ANKRD44: variants seen among roughly 807,000 people sequenced by gnomAD.
ANKRD44 encodes ankyrin repeat domain 44.
A neutral mutation model predicts 116.0 loss-of-function variants in ANKRD44; 35 were observed. The ratio of observed to expected loss-of-function variants is 0.30; its 90% CI spans 0.23 to 0.40. The LOEUF is 0.40. Ranked by LOEUF, ANKRD44 falls within the 10% of genes least tolerant of loss-of-function variation. The pLI is 1.00. For synonymous variants in ANKRD44, 435 were observed against 461.8 expected (o/e 0.94, Z 0.74); for missense variants, 1,014 against 1,242.6 (o/e 0.82, Z 2.77).
intron 1 of ANKRD44, among the ~76,000 whole-genome samples, chr2:197,293,203 T>G (rs1262554362): frequency 6.6e-6 from 1 of 152,150 alleles, no homozygotes; most frequent in Non-Finnish European, 1.5e-5. Flanking sequence ...AAGGGAAGGA[T>G]GGTGAAGGAA....
chr2:197,245,235 G>A (rs2125810961), intron 1 of ANKRD44, among the ~76,000 whole-genome samples: 1 of 152,156 alleles, frequency 6.6e-6, no homozygotes, highest in South Asian at 2.1e-4. Flanking sequence ...ACTCCAGCCT[G>A]GGCAACAGAG....
chr2:197,200,600 T>A (rs6757999), intron 1 of ANKRD44, among the ~76,000 whole-genome samples: 103,200 of 151,914 alleles, frequency 0.68, 35,813 homozygotes, highest in East Asian at 0.92. Context: ...GAGCTTGAAA[T>A]TACCTCCAAA....
At chr2:197,113,264 A>C (rs1201274272) in intron 8 of ANKRD44, among the ~76,000 whole-genome samples, 1 of 152,226 alleles carries the variant, frequency 6.6e-6, no homozygotes, top group East Asian at 1.9e-4. Context: ...GACTGCACAC[A>C]GTTCCAAGGA....
At chr2:197,062,839 G>A (rs531296954) in intron 16 of ANKRD44, among the ~76,000 whole-genome samples, 1 of 152,362 alleles carries the variant, frequency 6.6e-6, no homozygotes, top group African/African-American at 2.4e-5. Flanking sequence ...ACTGGGTGGA[G>A]CCCACCACAG....
intron 25 of ANKRD44, among the ~76,000 whole-genome samples, chr2:196,996,086 C>A (rs1422131794): frequency 6.6e-6 from 1 of 152,104 alleles, no homozygotes; most frequent in Non-Finnish European, 1.5e-5. Context: ...GGCCTGGTAC[C>A]CTTTTAAGGG....
intron 2 of ANKRD44, among the ~76,000 whole-genome samples, chr2:197,163,035 G>C (rs1037678114): frequency 1.3e-5 from 2 of 152,050 alleles, no homozygotes; most frequent in Non-Finnish European, 2.9e-5. Context: ...TTTTTTTGTG[G>C]TTCTCATCTA....
At chr2:197,285,066 G>T (rs1039297241) in intron 1 of ANKRD44, among the ~76,000 whole-genome samples, 3 of 151,668 alleles carry the variant, frequency 2.0e-5, no homozygotes, top group Non-Finnish European at 4.4e-5. Flanking sequence ...CTCCCTAAAA[G>T]ATGTTCCCTT....
intron 1 of ANKRD44, among the ~76,000 whole-genome samples, chr2:197,223,976 G>GTAGATACA (rs72348791): frequency 0.22 from 33,748 of 151,926 alleles, 3,963 homozygotes; most frequent in Middle Eastern, 0.3. Context: ...CCGAAAAGTA[G>GTAGATACA]TAGATACATG....
intron 21 of ANKRD44, among the ~76,000 whole-genome samples, chr2:196,980,662 C>T (rs1574213498): frequency 6.6e-6 from 1 of 152,200 alleles, no homozygotes; most frequent in Non-Finnish European, 1.5e-5. Context: ...TTCTGCAGCT[C>T]TTTGCCATCT....
intron 4 of ANKRD44, among the ~76,000 whole-genome samples, chr2:197,130,002 C>T (rs1036286638): frequency 3.3e-5 from 5 of 152,134 alleles, no homozygotes; most frequent in African/African-American, 1.2e-4. Flanking sequence ...AGTGTATATT[C>T]AATAAATTTG....
intron 26 of ANKRD44, 23 bp downstream of exon 26, chr2:196,995,356 C>A: frequency 6.4e-7 from 1 of 1,566,258 alleles, no homozygotes; most frequent in South Asian, 1.1e-5. Context: ...GGGTTCAAGT[C>A]CAACTTTAGT....
intron 3 of ANKRD44, among the ~76,000 whole-genome samples, chr2:197,138,633 C>T (rs1041902877): frequency 7.2e-5 from 11 of 152,170 alleles, no homozygotes; most frequent in Admixed American, 3.3e-4. Flanking sequence ...TAAAATTACC[C>T]GCCTTTACGT....
chr2:197,275,713 C>A (rs2083059809), intron 1 of ANKRD44, among the ~76,000 whole-genome samples: 1 of 151,234 alleles, frequency 6.6e-6, no homozygotes, highest in Non-Finnish European at 1.5e-5. Context: ...GGCTTTTGGT[C>A]GTTACAATGA....
chr2:197,167,291 T>C (rs2080121374), intron 2 of ANKRD44, among the ~76,000 whole-genome samples: 1 of 152,228 alleles, frequency 6.6e-6, no homozygotes, highest in Non-Finnish European at 1.5e-5. Flanking sequence ...CATGCCACTA[T>C]ATTATCATAT....
intron 9 of ANKRD44, among the ~76,000 whole-genome samples, chr2:197,108,980 G>C (rs899518218): frequency 6.6e-6 from 1 of 152,184 alleles, no homozygotes; most frequent in Non-Finnish European, 1.5e-5. Context: ...CAGTCCCCTG[G>C]GACTGTTGTA....
intron 9 of ANKRD44, among the ~76,000 whole-genome samples, chr2:197,106,806 A>ATTTT (rs551923767): frequency 5.9e-5 from 8 of 136,586 alleles, no homozygotes; most frequent in Admixed American, 3.0e-4. Flanking sequence ...ATATATATAT[A>ATTTT]TTTTTTTTTT....
chr2:197,208,776 G>T (rs1358221860), intron 1 of ANKRD44, among the ~76,000 whole-genome samples: 5 of 151,798 alleles, frequency 3.3e-5, no homozygotes, highest in Non-Finnish European at 7.4e-5. Context: ...CTGCAGGCTG[G>T]GCGACAGAGC....
chr2:197,139,848 TTGTGTGTGTGTG>T (rs71012957), intron 3 of ANKRD44, among the ~76,000 whole-genome samples: 1,619 of 131,654 alleles, frequency 0.012, 13 homozygotes, highest in African/African-American at 0.015. Flanking sequence ...TAAGCTGCTT[TTGTGTGTGTGTG>T]TGTGTGTGTG....
intron 1 of ANKRD44, among the ~76,000 whole-genome samples, chr2:197,248,592 A>ATATATATATATATATATAT (rs1553539906): frequency 4.0e-5 from 6 of 149,568 alleles, no homozygotes; most frequent in African/African-American, 1.5e-4. Context: ...ATATATATAT[A>ATATATATATATATATATAT]AAGAGAGAGA....
Sources: gnomAD v4.1 joint callset for allele counts (sites outside exome capture counted in the v4.1 genomes callset) on GRCh38, gnomAD v4.1.1 for gene constraint, MANE v1.5 for transcripts, NCBI Gene and HGNC (gene_info 2026-07-23, HGNC 2026-07-21) for gene names.